Variants in PEMT observed in about 807,000 individuals in gnomAD.
PEMT encodes phosphatidylethanolamine N-methyltransferase.
A neutral mutation model predicts 27.4 loss-of-function variants in PEMT; 23 were observed. That is an observed-to-expected ratio of 0.84 (90% CI 0.60 to 1.19). The LOEUF (loss-of-function observed/expected upper bound fraction) is 1.19, where lower values mean the gene tolerates loss of function less well. PEMT is among the 50% of genes most tolerant of loss of function. The probability of loss-of-function intolerance (pLI) is 0.00; values close to 1 mark genes in which losing one functional copy is unlikely to be tolerated. For missense variants in PEMT, 307 were observed against 310.1 expected (o/e 0.99, Z 0.07); for synonymous variants, 137 against 139.1 (o/e 0.98, Z 0.11).
At chr17:17,510,651 T>C (rs16961834) in intron 4 of PEMT, among the ~76,000 whole-genome samples, 5,264 of 152,280 alleles carry the variant, frequency 0.035, 250 homozygotes, top group African/African-American at 0.11. Flanking sequence ...TTTGCCTACA[T>C]ACCGCGCTGC....
intron 2 of PEMT, among the ~76,000 whole-genome samples, chr17:17,575,650 G>C (rs916340124): frequency 2.6e-5 from 4 of 152,200 alleles, no homozygotes; most frequent in African/African-American, 9.6e-5. Flanking sequence ...GTGCTCCCCA[G>C]CCCAGCCAAG....
rs1482627666 is a variant in PEMT, at chr17:17,523,024, GA to G, written c.205-630del. On this transcript the variant is annotated intron_variant, in intron 2 of 6. Coordinates refer to ENST00000255389, the MANE Select transcript of PEMT (RefSeq NM_148172.3). This position sits in a 1 kb window ranked among gnomAD's most constrained non-coding sequence, Gnocchi z 4.8. ...TTTTTTTTCAAACTAATCACATCTG[GA>G]ATCTCAACATCTGGCCACCAACGGT... 6.6e-6 allele frequency among the ~76,000 whole-genome samples: 1 copy of G among 152,104 alleles called. No homozygotes were observed. The highest frequency in any genetic ancestry group is 1.9e-4 in the East Asian group (1 of 5,184).
intron 2 of PEMT, among the ~76,000 whole-genome samples, chr17:17,551,604 G>A (rs193058475): frequency 4.6e-5 from 7 of 152,304 alleles, no homozygotes; most frequent in African/African-American, 9.6e-5. Flanking sequence ...AGGATGCCCC[G>A]AACAGCAGAT....
intron 2 of PEMT, among the ~76,000 whole-genome samples, chr17:17,527,948 A>G (rs1286364332): frequency 1.3e-5 from 2 of 152,158 alleles, no homozygotes; most frequent in Non-Finnish European, 2.9e-5. Context: ...GGTAGGTCCC[A>G]TCTGGATTCC....
At chr17:17,577,728 A>G (rs1911709354) in intron 1 of PEMT, among the ~76,000 whole-genome samples, 1 of 151,838 alleles carries the variant, frequency 6.6e-6, no homozygotes, top group South Asian at 2.1e-4. Context: ...AGTTAAAAGC[A>G]CTAGGTCGGC....
At chr17:17,579,667 T>C (rs1235712371) in intron 1 of PEMT, among the ~76,000 whole-genome samples, 3 of 152,084 alleles carry the variant, frequency 2.0e-5, no homozygotes, top group African/African-American at 7.2e-5. Flanking sequence ...AGAGCAACAC[T>C]TCATCTGAAA....
intron 1 of PEMT, among the ~76,000 whole-genome samples, chr17:17,580,349 C>A (rs555569639): frequency 6.6e-6 from 1 of 152,152 alleles, no homozygotes; most frequent in East Asian, 1.9e-4. Context: ...TGGTGGCGCA[C>A]GCCTATAGGC....
rs1597874067 is a variant in PEMT at position 17,513,953 on chromosome 17, T to A, written c.321-1299A>T. 1.3e-5 allele frequency among the ~76,000 whole-genome samples: 2 copies of A among 152,222 alleles called. No homozygotes were observed. Among genetic ancestry groups the A allele is most frequent in the Admixed American group, 6.5e-5 (1 of 15,300 alleles). ...TCACACCCAGTCTGTAGACGGCATC[T>A]CCCAGCAGGGCCAGCTTACCATCCA... On this transcript the variant is annotated intron_variant, in intron 3 of 6. Transcript: ENST00000255389. The surrounding 1 kb of genome is among the most constrained non-coding windows in gnomAD (Gnocchi z 4.1).
Position 17,582,696 on chromosome 17 carries a change from G to T in PEMT, c.97-5669C>A, listed in dbSNP as rs532031090. On this transcript the variant is annotated intron_variant, in intron 1 of 6. Transcript: ENST00000255389. This position sits in a 1 kb window ranked among gnomAD's most constrained non-coding sequence, Gnocchi z 4.9. The stretch of plus-strand genomic sequence containing the variant: ...GCTGACTCGGGTAACGTTTATTTAG[G>T]GCAACTTTGGGTTAGAGCCCTGTGC... Among the ~76,000 whole-genome samples, 1 of 152,192 alleles carries T rather than the reference G, an allele frequency of 6.6e-6. No homozygotes were observed. The highest frequency in any genetic ancestry group is 1.5e-5 in the Non-Finnish European group (1 of 68,042).
intron 1 of PEMT, among the ~76,000 whole-genome samples, chr17:17,586,867 G>A (rs887292868): frequency 6.6e-6 from 1 of 152,144 alleles, no homozygotes; most frequent in South Asian, 2.1e-4. Flanking sequence ...ACCAGGCGTG[G>A]TGGAGGGCGC....
intron 2 of PEMT, among the ~76,000 whole-genome samples, chr17:17,557,802 G>A (rs1041835121): frequency 6.6e-5 from 10 of 152,336 alleles, no homozygotes; most frequent in Admixed American, 3.9e-4. Context: ...AGGTGTTCCC[G>A]AGGGAAAATA....
In PEMT at chr17:17,513,147, C is replaced by A. The variant is rs1447387762; in HGVS notation, c.321-493G>T. 6.6e-6 allele frequency among the ~76,000 whole-genome samples: 1 copy of A among 152,208 alleles called. No individual in the cohort carries two copies. Among genetic ancestry groups the A allele is most frequent in the Non-Finnish European group, 1.5e-5 (1 of 68,042 alleles). ...CCCGAGGCCTGGGGCATGCTCTGTG[C>A]TAGGGATTGCGCTTCCACAGCCCCT... is the stretch of plus-strand genomic sequence containing the variant. On this transcript the variant is annotated intron_variant, in intron 3 of 6. Transcript: ENST00000255389. The surrounding 1 kb of genome is among the most constrained non-coding windows in gnomAD (Gnocchi z 4.1).
rs1906523621 is a variant in PEMT, at chr17:17,512,855, T to C, written c.321-201A>G. Among the ~76,000 whole-genome samples the C allele has an allele frequency of 2.0e-5, 3 of 152,278 alleles. No individual in the cohort carries two copies. Among genetic ancestry groups the C allele is most frequent in the Admixed American group, 1.3e-4 (2 of 15,312 alleles). ...ACAGTAACAGGGAGGGGCCCAGGCCTGTCAGATTTTTAAATTTTTTCAAGA... is the reference window on the plus strand; with the variant it reads ...ACAGTAACAGGGAGGGGCCCAGGCCCGTCAGATTTTTAAATTTTTTCAAGA... On this transcript the variant is annotated intron_variant, in intron 3 of 6. Coordinates refer to ENST00000255389, the MANE Select transcript of PEMT (RefSeq NM_148172.3). The surrounding 1 kb of genome is among the most constrained non-coding windows in gnomAD (Gnocchi z 6.3).
intron 2 of PEMT, among the ~76,000 whole-genome samples, chr17:17,562,398 A>G (rs796824795): frequency 4.6e-5 from 7 of 152,166 alleles, no homozygotes; most frequent in African/African-American, 1.7e-4. Context: ...CACGGTTAGC[A>G]CTGAGCTCCT....
chr17:17,591,426 CTGGCGG>C, intron 1 of PEMT, 99 bp downstream of exon 1: 1 of 939,474 alleles, frequency 1.1e-6, no homozygotes, highest in Non-Finnish European at 1.6e-6. Context: ...TGCCTGGGAA[CTGGCGG>C]CCCCGCCCCG....
intron 2 of PEMT, among the ~76,000 whole-genome samples, chr17:17,563,902 A>T (rs1255318902): frequency 6.6e-6 from 1 of 152,110 alleles, no homozygotes; most frequent in African/African-American, 2.4e-5. Context: ...CTCCTGGAAG[A>T]GGGGAGTCTC....
At chr17:17,519,316 C>A (rs777433441) in intron 3 of PEMT, among the ~76,000 whole-genome samples, 3 of 152,186 alleles carry the variant, frequency 2.0e-5, no homozygotes, top group Non-Finnish European at 4.4e-5. Context: ...AGGAGAAAAG[C>A]AGCCCAGGAC....
rs117648289 is a variant in PEMT, at chr17:17,551,736, C to T, written c.204+25184G>A. On this transcript the variant is annotated intron_variant, in intron 2 of 6. Coordinates refer to ENST00000255389, the MANE Select transcript of PEMT (RefSeq NM_148172.3). ...GAGTCCTGAAAAAGTGTAGCACCCT[C>T]GGCCACCAGCGCAGGGCATGAGGGC... Among the ~76,000 whole-genome samples the T allele has an allele frequency of 4.6e-3, 702 of 152,286 alleles. 22 individuals carry two copies. Among genetic ancestry groups the T allele is most frequent in the Admixed American group, 0.036 (547 of 15,302 alleles).
intron 2 of PEMT, among the ~76,000 whole-genome samples, chr17:17,558,554 C>T (rs897822562): frequency 6.6e-6 from 1 of 151,392 alleles, no homozygotes; most frequent in Non-Finnish European, 1.5e-5. Flanking sequence ...GGCATGGTGA[C>T]GTGTGGCTGT....
Sources: allele counts gnomAD v4.1 joint callset (sites outside exome capture counted in the v4.1 genomes callset), GRCh38; gene constraint gnomAD v4.1.1; non-coding constraint Gnocchi (gnomAD v3.1); transcripts MANE v1.5; gene names NCBI Gene and HGNC (gene_info 2026-07-23, HGNC 2026-07-21).